AHDC1: variants seen among roughly 807,000 people sequenced by gnomAD.
AHDC1 encodes transcription factor Gibbin.
In AHDC1, 7 loss-of-function variants were observed where a neutral mutation model predicts 87.9. The observed-to-expected ratio is 0.08, with a 90% confidence interval of 0.05 to 0.15. The LOEUF (loss-of-function observed/expected upper bound fraction) is 0.15, where lower values mean the gene tolerates loss of function less well. Among genes scored for constraint, AHDC1 ranks in the 10% least tolerant of loss-of-function variants. The probability of loss-of-function intolerance (pLI) is 1.00; values close to 1 mark genes in which losing one functional copy is unlikely to be tolerated. For missense variants in AHDC1, 1,841 were observed against 2,253.2 expected (o/e 0.82, Z 3.70); for synonymous variants, 1,051 against 1,006.8 (o/e 1.04, Z -0.83).
intron 3 of AHDC1, among the ~76,000 whole-genome samples, chr1:27,602,684 C>T (rs1002663581): frequency 6.6e-6 from 1 of 152,194 alleles, no homozygotes; most frequent in South Asian, 2.1e-4. Context: ...TCAATCAGAG[C>T]CCCAGAGGAA....
intron 5 of AHDC1, among the ~76,000 whole-genome samples, chr1:27,554,526 G>A (rs959729480): frequency 1.3e-5 from 2 of 152,174 alleles, no homozygotes; most frequent in African/African-American, 4.8e-5. Context: ...GGTCAGGGCA[G>A]AGCTGGGATT....
chr1:27,549,308 T>C lies in AHDC1; in HGVS notation c.2808A>G (p.Ser936=), dbSNP rs760672095. The C allele has an allele frequency of 1.2e-6, 2 of 1,607,054 alleles. No homozygotes were observed. The highest frequency in any genetic ancestry group is 4.5e-5 in the East Asian group (2 of 44,686). ...GGAAGGTCTCGGCTGCCCGGCAGTC[T>C]GAAGCGGCTGGAGTTAGCCCATAGC... is the stretch of plus-strand genomic sequence containing the variant. ...AASYGLTPAA[S]DCRAAETFPK... is the part of the protein sequence containing the mutation. Residue 936 remains serine, a synonymous_variant, in exon 8 of 9, where the codon TCA becomes TCG. Coordinates refer to ENST00000673934, the MANE Select transcript of AHDC1 (RefSeq NM_001371928.1).
chr1:27,569,742 CCT>C (rs1378235767), intron 3 of AHDC1, among the ~76,000 whole-genome samples: 1 of 152,132 alleles, frequency 6.6e-6, no homozygotes, highest in Non-Finnish European at 1.5e-5. Flanking sequence ...CTCCACCTCC[CCT>C]GACCCCCGGA....
In AHDC1 at chr1:27,549,187, C is replaced by T. The variant is rs778551423; in HGVS notation, c.2929G>A (p.Gly977Arg). The T allele has an allele frequency of 9.4e-6, 15 of 1,588,966 alleles. No individual in the cohort carries two copies. The highest frequency in any genetic ancestry group is 4.0e-5 in the African/African-American group (3 of 74,628). ...YLPQYGGYGA[G>R]QSVFAPTKPF... ...TTAGTTGGGGCGAATACGCTTTGTC[C>T]GGCCCCATAGCCGCCGTACTGGGGC... is the stretch of plus-strand genomic sequence containing the variant. The change falls in exon 8 of 9, where the codon GGA becomes AGA. Residue 977 changes from glycine to arginine, a missense_variant. Physicochemically the swap from Gly to Arg is moderately radical, Grantham distance 125. Transcript: ENST00000673934.
chr1:27,589,140 G>A (rs867092015), intron 3 of AHDC1, among the ~76,000 whole-genome samples: 6 of 152,206 alleles, frequency 3.9e-5, no homozygotes, highest in Non-Finnish European at 7.4e-5. Flanking sequence ...GGGGGGTTCT[G>A]ACAGAGCAGA....
rs768872177 is a variant in AHDC1 at position 27,551,684 on chromosome 1, G to A, written c.432C>T (p.His144=). 1.5e-5 allele frequency: 25 copies of A among 1,613,806 alleles called. No homozygotes were observed. The highest frequency in any genetic ancestry group is 2.2e-5 in the East Asian group (1 of 44,858). The change falls in exon 8 of 9, where the codon CAC becomes CAT. Residue 144 remains histidine, a synonymous_variant. Transcript: ENST00000673934. ...TCAGTCGGAGCCCACCACAGTCCAG[G>A]TGTACACCACTGTGCTGCAGGTCCT... The part of the protein sequence containing the change: ...LSQDLQHSGV[H]LDCGGLRLSR...
chr1:27,551,274 C>T lies in AHDC1; in HGVS notation c.842G>A (p.Arg281His), dbSNP rs889710063. Residue 281 changes from arginine to histidine, a missense_variant, in exon 8 of 9, where the codon CGC (arginine) becomes CAC (histidine). Arg to His is a conservative substitution (Grantham distance 29). Around this residue, in one of 13 missense-constraint regions of AHDC1, gnomAD observed 370 missense variants for 391.5 expected, o/e 0.95. Transcript: ENST00000673934. The stretch of plus-strand genomic sequence containing the variant: ...CTCTAGTGCCTGCGGGTCCAGGAAG[C>T]GGGGCTGGGGGTCCAGGAGCTGAGG... The part of the protein sequence containing the change: ...PEPQLLDPQP[R>H]FLDPQALEPL... The T allele has an allele frequency of 6.8e-6, 11 of 1,610,118 alleles. No individual in the cohort carries two copies. Among genetic ancestry groups the T allele is most frequent in the East Asian group, 2.2e-5 (1 of 44,838 alleles).
At position 27,547,403 on chromosome 1, in the gene AHDC1, G is replaced by A. The variant is rs570732949; in HGVS notation, c.4713C>T (p.Pro1571=). ...DTAYRYPGFM[P]QAHPGLGGGP... is the part of the protein sequence containing the mutation. Reference sequence around the variant, plus strand: ...CCCCACCCAGGCCAGGATGCGCCTGGGGCATAAAGCCTGGGTACCTGTAGG... The same window carrying A: ...CCCCACCCAGGCCAGGATGCGCCTGAGGCATAAAGCCTGGGTACCTGTAGG... Residue 1571 remains proline (P), a synonymous_variant, in exon 8 of 9, where the codon CCC becomes CCT. Coordinates refer to ENST00000673934, the MANE Select transcript of AHDC1 (RefSeq NM_001371928.1). This position sits in a 1 kb window ranked among gnomAD's most constrained non-coding sequence, Gnocchi z 4.9. The A allele has an allele frequency of 6.4e-7, 1 of 1,570,952 alleles. No individual in the cohort carries two copies. The highest frequency in any genetic ancestry group is 1.8e-5 in the Admixed American group (1 of 55,254).
intron 3 of AHDC1, among the ~76,000 whole-genome samples, chr1:27,597,513 T>C (rs1340347436): frequency 6.6e-6 from 1 of 152,074 alleles, no homozygotes; most frequent in African/African-American, 2.4e-5. Flanking sequence ...GTGCATCTGG[T>C]GCAGGGGTCA....
chr1:27,586,025 T>C (rs887573036), intron 3 of AHDC1, among the ~76,000 whole-genome samples: 1 of 152,072 alleles, frequency 6.6e-6, no homozygotes, highest in Non-Finnish European at 1.5e-5. Context: ...GGCCCGACAA[T>C]GTGGATGGGC....
At chr1:27,576,515 C>T (rs1389090211) in intron 3 of AHDC1, among the ~76,000 whole-genome samples, 1 of 152,192 alleles carries the variant, frequency 6.6e-6, no homozygotes, top group Non-Finnish European at 1.5e-5. Context: ...AATATTATCC[C>T]CTTTTTGTTA....
At chr1:27,575,214 G>A (rs973924437) in intron 3 of AHDC1, among the ~76,000 whole-genome samples, 8 of 152,204 alleles carry the variant, frequency 5.3e-5, no homozygotes, top group Non-Finnish European at 1.0e-4. Flanking sequence ...GGCAGGCTAA[G>A]CTGCCCACTG....
At position 27,563,381 on chromosome 1, in the gene AHDC1, C is replaced by T. The variant is rs1392321693; in HGVS notation, c.-628-4498G>A. Among the ~76,000 whole-genome samples, 2 of 151,650 alleles carry T rather than the reference C, an allele frequency of 1.3e-5. No individual in the cohort carries two copies. Among genetic ancestry groups the T allele is most frequent in the Non-Finnish European group, 2.9e-5 (2 of 68,012 alleles). On this transcript the variant is annotated intron_variant, in intron 3 of 8. Coordinates refer to ENST00000673934, the MANE Select transcript of AHDC1 (RefSeq NM_001371928.1). This position sits in a 1 kb window ranked among gnomAD's most constrained non-coding sequence, Gnocchi z 6.1. The stretch of plus-strand genomic sequence containing the variant: ...CACACACACACACGTGGGACAAGTC[C>T]CATCTTCCAGGTGTGAGGAAGGCAT...
At chr1:27,535,156 G>A (rs2018587709) in intron 8 of AHDC1, among the ~76,000 whole-genome samples, 1 of 152,174 alleles carries the variant, frequency 6.6e-6, no homozygotes, top group African/African-American at 2.4e-5. Context: ...GCAGGTGCTG[G>A]GTGAGGAGGT....
At chr1:27,544,809 C>T (rs927527231) in intron 8 of AHDC1, among the ~76,000 whole-genome samples, 12 of 152,236 alleles carry the variant, frequency 7.9e-5, no homozygotes, top group Non-Finnish European at 2.9e-5. Flanking sequence ...ACTACTGCAG[C>T]TGGTCTCCCT....
chr1:27,585,686 C>T (rs1057189558), intron 3 of AHDC1, among the ~76,000 whole-genome samples: 4 of 152,122 alleles, frequency 2.6e-5, no homozygotes, highest in Non-Finnish European at 5.9e-5. Flanking sequence ...ACCCCCTCCT[C>T]CTCCCCACAT....
intron 3 of AHDC1, among the ~76,000 whole-genome samples, chr1:27,592,552 C>A (rs1444970866): frequency 1.3e-5 from 2 of 152,174 alleles, no homozygotes; most frequent in Non-Finnish European, 2.9e-5. Flanking sequence ...GCCGCAACCA[C>A]TTTCCCAAAC....
rs549026418 is a variant in AHDC1 at position 27,590,938 on chromosome 1, G to C, written c.-629+12459C>G. 1.3e-5 allele frequency among the ~76,000 whole-genome samples: 2 copies of C among 152,182 alleles called. No individual in the cohort carries two copies. Among genetic ancestry groups the C allele is most frequent in the East Asian group, 1.9e-4 (1 of 5,194 alleles). On this transcript the variant is annotated intron_variant, in intron 3 of 8. Coordinates refer to ENST00000673934, the MANE Select transcript of AHDC1 (RefSeq NM_001371928.1). The surrounding 1 kb of genome is among the most constrained non-coding windows in gnomAD (Gnocchi z 5.4). ...CAGTTGGAGAGCAGGTTTGCTAAGA[G>C]ACTAAGGTTGAGGAGGAGAAACGAG...
In AHDC1 at chr1:27,551,842, C is replaced by T. The variant is rs2019585397; in HGVS notation, c.274G>A (p.Val92Ile). ...DPLPPRAARPVSQARCPTPVG... is the reference protein window; with the variant it reads ...DPLPPRAARPISQARCPTPVG... ...GGTGTGGGGCAGCGGGCCTGTGAGA[C>T]AGGACGGGCTGCCCGTGGGGGCAGC... Residue 92 changes from valine to isoleucine, a missense_variant, in exon 8 of 9, where the codon GTC becomes ATC. By Grantham distance (29) the Val-to-Ile change is conservative. Coordinates refer to ENST00000673934, the MANE Select transcript of AHDC1 (RefSeq NM_001371928.1). The T allele has an allele frequency of 1.2e-6, 2 of 1,611,032 alleles. No individual in the cohort carries two copies. The highest frequency in any genetic ancestry group is 4.5e-5 in the East Asian group (2 of 44,856).
Sources: allele counts gnomAD v4.1 joint callset (sites outside exome capture counted in the v4.1 genomes callset), GRCh38; gene constraint gnomAD v4.1.1; regional missense constraint gnomAD v4.1.1; non-coding constraint Gnocchi (gnomAD v3.1); transcripts MANE v1.5; gene names NCBI Gene and HGNC (gene_info 2026-07-23, HGNC 2026-07-21).